Variants in TIAM2 observed in about 807,000 individuals in gnomAD.
TIAM2 encodes the protein rho guanine nucleotide exchange factor TIAM2.
TIAM2 carries 80 observed loss-of-function variants against 152.9 expected under a neutral mutation model. The observed-to-expected ratio is 0.52, with a 90% CI of 0.44 to 0.63. The LOEUF is 0.63. TIAM2 is among the 30% of genes least tolerant of loss of function. TIAM2 has a pLI of 0.00. For missense variants in TIAM2, 1,965 were observed against 2,120.1 expected, an observed-to-expected ratio of 0.93 and a Z score of 1.44; for synonymous variants, 804 against 838.0, an observed-to-expected ratio of 0.96 and a Z score of 0.70.
chr6:155,093,341 A>G (rs1164807459), intron 2 of TIAM2, among the ~76,000 whole-genome samples: 2 of 152,196 alleles, frequency 1.3e-5, no homozygotes, highest in Non-Finnish European at 1.5e-5. Flanking sequence ...CAGACCGTAG[A>G]TGGAAGATGC....
chr6:155,227,606 C>T (rs1450991049), intron 15 of TIAM2, among the ~76,000 whole-genome samples: 1 of 152,194 alleles, frequency 6.6e-6, no homozygotes, highest in African/African-American at 2.4e-5. Context: ...GTATCAGACT[C>T]ATGGCATATG....
In TIAM2 at chr6:155,148,130, A is replaced by G. The variant is rs781446337; in HGVS notation, c.1824A>G (p.Leu608=). Residue 608 remains leucine (L), a synonymous_variant, in exon 7 of 27, where the codon CTA becomes CTG. Coordinates refer to ENST00000682666, the MANE Select transcript of TIAM2 (RefSeq NM_012454.4). ...TGTAGGCCACCAGCCAGACAGATCT[A>G]GAAAACTGGGTCACTGCTGTACACT... is the stretch of plus-strand genomic sequence containing the variant. ...YLFQATSQTD[L]ENWVTAVHSA... 7.4e-6 allele frequency: 12 copies of G among 1,613,948 alleles called. No individual in the cohort carries two copies. Among genetic ancestry groups the G allele is most frequent in the African/African-American group, 2.7e-5 (2 of 75,024 alleles).
At chr6:155,135,093 G>A (rs1779528837) in intron 4 of TIAM2, among the ~76,000 whole-genome samples, 1 of 152,034 alleles carries the variant, frequency 6.6e-6, no homozygotes, top group Admixed American at 6.5e-5. Context: ...CACAACAGCT[G>A]GTTTATTTGC....
intron 1 of TIAM2, among the ~76,000 whole-genome samples, chr6:155,027,602 T>C (rs1278251699): frequency 1.3e-5 from 1 of 76,948 alleles, no homozygotes; most frequent in African/African-American, 5.5e-5. Context: ...ATATATACTA[T>C]ATATAATATA....
Position 155,183,378 on chromosome 6 carries a change from T to C in TIAM2, c.2942T>C (p.Leu981Pro), listed in dbSNP as rs1236243383. 2.5e-6 allele frequency: 4 copies of C among 1,613,678 alleles called. No homozygotes were observed. Among genetic ancestry groups the C allele is most frequent in the Non-Finnish European group, 3.4e-6 (4 of 1,179,934 alleles). The change falls in exon 14 of 27, where the codon CTG (leucine) becomes CCG (proline). Residue 981 changes from leucine to proline, a missense_variant. Physicochemically the swap from Leu to Pro is moderately conservative, Grantham distance 98. This residue lies in a region of TIAM2 where 935 missense variants were observed against 980.0 expected (regional missense o/e 0.95). Transcript: ENST00000682666. Reference sequence around the variant, plus strand: ...CGGCCTCCGGACACAAAAGCAACCCTGTGTACATCCTGGTCAGACAGTGAC... The same window carrying C: ...CGGCCTCCGGACACAAAAGCAACCCCGTGTACATCCTGGTCAGACAGTGAC... Reference protein sequence around the residue: ...IARPPDTKATLCTSWSDSDLF... With the variant: ...IARPPDTKATPCTSWSDSDLF...
chr6:155,257,190 C>CAAA lies in TIAM2; in HGVS notation c.*88_*90dup, dbSNP rs11455127. The CAAA allele has an allele frequency of 3.4e-3, 1,831 of 546,444 alleles. 19 individuals are homozygous for CAAA. The highest frequency in any genetic ancestry group is 3.5e-3 in the Non-Finnish European group (1,270 of 360,440). 33.8% of individuals were successfully genotyped at this position (546,444 alleles called of 1,614,324 possible). A position where few individuals can be genotyped will look rare whatever the true frequency, so the allele number is the denominator to read the frequency against. ...TAAACTGGTGGTAAAGTGGAAATTG[C>CAAA]AAAAAAAAAAAAAAAAAAAAACTGT... On this transcript the variant is annotated 3_prime_UTR_variant, in exon 27 of 27. Coordinates refer to ENST00000682666, the MANE Select transcript of TIAM2 (RefSeq NM_012454.4).
chr6:155,170,362 G>A (rs1311924790), intron 9 of TIAM2, among the ~76,000 whole-genome samples: 1 of 152,208 alleles, frequency 6.6e-6, no homozygotes, highest in African/African-American at 2.4e-5. Flanking sequence ...TGGCATGGTG[G>A]CTCGTGCCTG....
chr6:155,100,548 C>T lies in TIAM2; in HGVS notation c.-118+10169C>T, dbSNP rs1367645853. ...CCACCACTGCCACCATCACTGTCAC[C>T]TCCCATTCATTAATTCGTTCATTCA... On this transcript the variant is annotated intron_variant, in intron 2 of 26. Coordinates refer to ENST00000682666, the MANE Select transcript of TIAM2 (RefSeq NM_012454.4). 2.0e-4 allele frequency among the ~76,000 whole-genome samples: 31 copies of T among 152,190 alleles called. 1 individual carries two copies. Among genetic ancestry groups the T allele is most frequent in the Admixed American group, 2.0e-3 (31 of 15,284 alleles).
intron 1 of TIAM2, among the ~76,000 whole-genome samples, chr6:155,001,670 T>C (rs551898040): frequency 2.3e-4 from 35 of 152,354 alleles, no homozygotes; most frequent in South Asian, 1.7e-3. Context: ...GGTTTGTAGA[T>C]TGAGTAACAG....
chr6:155,205,987 G>A (rs1318002033), intron 14 of TIAM2, among the ~76,000 whole-genome samples: 1 of 152,170 alleles, frequency 6.6e-6, no homozygotes, highest in Admixed American at 6.5e-5. Context: ...TTTTTAAGTT[G>A]GTACCCAGGA....
chr6:155,233,031 C>G (rs1369254564), intron 15 of TIAM2: 2 of 152,186 alleles, frequency 1.3e-5, no homozygotes, highest in Non-Finnish European at 2.9e-5. Flanking sequence ...TTGCAGTACC[C>G]AGAATCCCTA....
At chr6:155,217,089 A>G (rs1781879211) in intron 15 of TIAM2, 1 of 1,289,466 alleles carries the variant, frequency 7.8e-7, no homozygotes, top group Non-Finnish European at 1.0e-6. Flanking sequence ...TATGTACAGC[A>G]TGTAAGTAAA....
intron 14 of TIAM2, among the ~76,000 whole-genome samples, chr6:155,210,478 C>G (rs916775158): frequency 1.3e-5 from 2 of 151,556 alleles, no homozygotes; most frequent in African/African-American, 2.4e-5. Context: ...ACCACCATGC[C>G]TGATTGTGTG....
rs561285919 is a variant in TIAM2 at position 155,033,532 on chromosome 6, G to C, written c.-209+38040G>C. 2.0e-5 allele frequency among the ~76,000 whole-genome samples: 3 copies of C among 152,110 alleles called. No individual in the cohort carries two copies. In the South Asian group the frequency reaches 6.2e-4, roughly 32 times the overall value. On this transcript the variant is annotated intron_variant, in intron 1 of 26. Coordinates refer to ENST00000682666, the MANE Select transcript of TIAM2 (RefSeq NM_012454.4). ...TAAAGATAAAACTCAAGAATAGAAA[G>C]GTTTAGTTTCTTAGTTAAGAAAGGA...
At position 155,137,592 on chromosome 6, in the gene TIAM2, A is replaced by G. The variant is rs767894991; in HGVS notation, c.1610A>G (p.Gln537Arg). The G allele has an allele frequency of 6.9e-6, 11 of 1,598,844 alleles. No homozygotes were observed. Among genetic ancestry groups the G allele is most frequent in the South Asian group, 1.1e-5 (1 of 89,806 alleles). The change falls in exon 5 of 27, where the codon CAG (glutamine) becomes CGG (arginine). Residue 537 changes from glutamine (Q) to arginine (R), a missense_variant. Physicochemically the swap from Gln to Arg is conservative, Grantham distance 43. Transcript: ENST00000682666. ...LELVARRKWK[Q>R]YWVTLKGCTL... ...CTGGTGGCACGAAGGAAATGGAAAC[A>G]GTACTGGGTAACGCTGAAAGGTGAG...
Position 154,995,476 on chromosome 6 carries a change from C to A in TIAM2, c.-225C>A, listed in dbSNP as rs9397759. On this transcript the variant is annotated 5_prime_UTR_variant, in exon 1 of 27. Coordinates refer to ENST00000682666, the MANE Select transcript of TIAM2 (RefSeq NM_012454.4). The surrounding 1 kb of genome is among the most constrained non-coding windows in gnomAD (Gnocchi z 5.2). The stretch of plus-strand genomic sequence containing the variant: ...CGGCGCGCGACCGGCCCCACCGAGC[C>A]CGGCGCGCGACCCGAGGTAAGGGGC... 4 of 150,780 alleles carry A rather than the reference C, an allele frequency of 2.7e-5. No individual in the cohort carries two copies. The highest frequency in any genetic ancestry group is 3.9e-4 in the East Asian group (2 of 5,082). 9.3% of individuals were successfully genotyped at this position (150,780 alleles called of 1,614,324 possible).
chr6:155,177,299 G>A (rs1405981856), intron 10 of TIAM2, among the ~76,000 whole-genome samples: 2 of 152,184 alleles, frequency 1.3e-5, no homozygotes, highest in African/African-American at 4.8e-5. Flanking sequence ...TAGAGATGGT[G>A]TGTTATAAGA....
At chr6:155,127,714 A>AT (rs1219959632) in intron 3 of TIAM2, 114 bp downstream of exon 3, 2 of 416,758 alleles carry the variant, frequency 4.8e-6, no homozygotes, top group African/African-American at 4.1e-5. Context: ...ATATTTGATA[A>AT]TTACCACCAA....
intron 1 of TIAM2, among the ~76,000 whole-genome samples, chr6:155,056,368 C>T (rs1369464752): frequency 1.3e-5 from 2 of 151,998 alleles, no homozygotes; most frequent in African/African-American, 2.4e-5. Context: ...GACGGGGTTT[C>T]ACCATGTTGG....
Sources: gnomAD v4.1 joint callset for allele counts (sites outside exome capture counted in the v4.1 genomes callset) on GRCh38, gnomAD v4.1.1 for gene constraint, gnomAD v4.1.1 regional missense constraint, Gnocchi (gnomAD v3.1) non-coding constraint, MANE v1.5 for transcripts, NCBI Gene and HGNC (gene_info 2026-07-23, HGNC 2026-07-21) for gene names.